The following RBPMS variants were observed in gnomAD, a reference collection of about 807,000 sequenced individuals.
The protein encoded by RBPMS is RNA-binding protein with multiple splicing.
RBPMS carries 7 observed loss-of-function variants against 26.8 expected under a neutral mutation model. The ratio of observed to expected loss-of-function variants is 0.26; its 90% CI spans 0.15 to 0.49. The LOEUF (loss-of-function observed/expected upper bound fraction) is 0.49, where lower values mean the gene tolerates loss of function less well. Ranked by LOEUF, RBPMS falls within the 20% of genes least tolerant of loss-of-function variation. The pLI, the probability that RBPMS is intolerant of heterozygous loss-of-function variation, is 0.98. For missense variants in RBPMS, 186 were observed against 250.0 expected (o/e 0.74, Z 1.73); for synonymous variants, 96 against 93.3 (o/e 1.03, Z -0.17).
At chr8:30,451,110 T>G (rs138136459) in intron 1 of RBPMS, among the ~76,000 whole-genome samples, 1 of 152,282 alleles carries the variant, frequency 6.6e-6, no homozygotes, top group East Asian at 1.9e-4. Flanking sequence ...CTGAGGGTTC[T>G]GGATTATAAC....
intron 5 of RBPMS, among the ~76,000 whole-genome samples, chr8:30,516,232 T>C (rs565430831): frequency 1.3e-5 from 2 of 152,160 alleles, no homozygotes; most frequent in South Asian, 4.2e-4. Context: ...ATACAAAAAT[T>C]AGCCGGCTGT....
intron 5 of RBPMS, among the ~76,000 whole-genome samples, chr8:30,510,476 G>A (rs1038431282): frequency 1.3e-5 from 2 of 150,608 alleles, no homozygotes; most frequent in Non-Finnish European, 1.5e-5. Context: ...AAAACTCATT[G>A]CTAGTCTCAC....
intron 4 of RBPMS, among the ~76,000 whole-genome samples, chr8:30,494,295 T>C (rs17627903): frequency 0.2 from 29,861 of 152,142 alleles, 3,311 homozygotes; most frequent in South Asian, 0.39. Flanking sequence ...TCTTTCTCTT[T>C]CTAAGTAATA....
At chr8:30,484,226 C>T (rs919892695) in intron 4 of RBPMS, among the ~76,000 whole-genome samples, 2 of 152,166 alleles carry the variant, frequency 1.3e-5, no homozygotes. Context: ...AAATTATAAC[C>T]ATTCTAGTAG....
chr8:30,565,475 T>C (rs890783304), intron 7 of RBPMS: 2 of 152,190 alleles, frequency 1.3e-5, no homozygotes, highest in African/African-American at 2.4e-5. Context: ...TAGTGGGAAA[T>C]AGGACCGCTG....
chr8:30,512,591 C>G (rs1294952206), intron 5 of RBPMS, among the ~76,000 whole-genome samples: 1 of 151,806 alleles, frequency 6.6e-6, no homozygotes, highest in Non-Finnish European at 1.5e-5. Context: ...TGGGCTGAAG[C>G]CCGAGTGATC....
chr8:30,390,875 T>C (rs1807716789), intron 1 of RBPMS, among the ~76,000 whole-genome samples: 2 of 152,228 alleles, frequency 1.3e-5, no homozygotes, highest in African/African-American at 4.8e-5. Context: ...TATAATTCTT[T>C]GTAAATATAT....
At chr8:30,463,125 G>A (rs1816123665) in intron 1 of RBPMS, among the ~76,000 whole-genome samples, 1 of 152,048 alleles carries the variant, frequency 6.6e-6, no homozygotes, top group African/African-American at 2.4e-5. Context: ...CATCTTTTTT[G>A]TGAACATTGT....
chr8:30,520,221 ACAGGT>A (rs1822882540), intron 5 of RBPMS, among the ~76,000 whole-genome samples: 1 of 152,194 alleles, frequency 6.6e-6, no homozygotes, highest in Non-Finnish European at 1.5e-5. Flanking sequence ...ACCCTGAAAT[ACAGGT>A]CATCCAAAAA....
chr8:30,457,335 A>G (rs1815333650), intron 1 of RBPMS, among the ~76,000 whole-genome samples: 1 of 152,186 alleles, frequency 6.6e-6, no homozygotes, highest in Admixed American at 6.5e-5. Flanking sequence ...TTCACAGGTT[A>G]AACTTTGTAA....
intron 1 of RBPMS, among the ~76,000 whole-genome samples, chr8:30,430,635 C>T (rs756623097): frequency 1.1e-4 from 16 of 152,164 alleles, no homozygotes; most frequent in South Asian, 4.1e-4. Context: ...GTAGCTATCT[C>T]ACTTATTTGT....
intron 1 of RBPMS, among the ~76,000 whole-genome samples, chr8:30,435,093 C>T (rs1269319173): frequency 1.3e-5 from 2 of 152,094 alleles, no homozygotes; most frequent in Non-Finnish European, 2.9e-5. Context: ...CTGAAATGCT[C>T]CAAAACCTGA....
intron 6 of RBPMS, among the ~76,000 whole-genome samples, chr8:30,548,684 A>T (rs1030734470): frequency 6.6e-6 from 1 of 152,208 alleles, no homozygotes; most frequent in African/African-American, 2.4e-5. Flanking sequence ...GGGAAGAGAG[A>T]CATAGGCTAA....
chr8:30,385,147 C>CAGG lies in RBPMS; in HGVS notation c.65_66+1dup, dbSNP rs1178600166. 1.7e-5 allele frequency: 26 copies of CAGG among 1,521,570 alleles called. No homozygotes were observed. Among genetic ancestry groups the CAGG allele is most frequent in the Non-Finnish European group, 2.3e-5 (26 of 1,135,504 alleles). The allele number at this position is 1,521,570 out of a possible 1,614,324, so 94.3% of individuals were successfully genotyped here. On this transcript the variant is annotated inframe_insertion, in exon 1 of 9. Transcript: ENST00000397323. ...GAACACCCCGAGCGAGGCCAACCTT[C>CAGG]AGGAGGAGGAGGTACTGGGCGGCTC...
intron 5 of RBPMS, among the ~76,000 whole-genome samples, chr8:30,522,143 G>A (rs772438406): frequency 2.2e-4 from 34 of 151,886 alleles, no homozygotes; most frequent in Admixed American, 1.4e-3. Flanking sequence ...TATTCCAAAC[G>A]TCACATTGAG....
chr8:30,493,922 A>G (rs750975633), intron 4 of RBPMS, among the ~76,000 whole-genome samples: 14 of 152,198 alleles, frequency 9.2e-5, no homozygotes, highest in Non-Finnish European at 2.1e-4. Flanking sequence ...CTCCTAGGGC[A>G]TGGTTATATA....
intron 4 of RBPMS, among the ~76,000 whole-genome samples, chr8:30,482,848 G>T (rs1585617261): frequency 6.6e-6 from 1 of 152,110 alleles, no homozygotes; most frequent in African/African-American, 2.4e-5. Context: ...CTAAAGGAAG[G>T]GGGCACTGAA....
intron 5 of RBPMS, among the ~76,000 whole-genome samples, chr8:30,532,585 A>C (rs1824347363): frequency 6.6e-6 from 1 of 152,210 alleles, no homozygotes; most frequent in South Asian, 2.1e-4. Flanking sequence ...TAAAGGACTT[A>C]AAGGGGAGAA....
At chr8:30,467,287 C>T (rs4292648) in intron 1 of RBPMS, among the ~76,000 whole-genome samples, 70,971 of 152,014 alleles carry the variant, frequency 0.47, 16,639 homozygotes, top group Middle Eastern at 0.59. Context: ...TGTTTCAGCT[C>T]ATGGTTACAA....
Sources: allele counts gnomAD v4.1 joint callset (sites outside exome capture counted in the v4.1 genomes callset), GRCh38; gene constraint gnomAD v4.1.1; transcripts MANE v1.5; gene names NCBI Gene and HGNC (gene_info 2026-07-23, HGNC 2026-07-21).